The following CACNA1C variants were observed in gnomAD, a reference collection of about 807,000 sequenced individuals.
CACNA1C encodes the protein voltage-dependent L-type calcium channel subunit alpha-1C.
CACNA1C carries 30 observed loss-of-function variants against 229.0 expected under a neutral mutation model. That is an observed-to-expected ratio of 0.13 (90% CI 0.10 to 0.18). CACNA1C has a LOEUF of 0.18. CACNA1C is among the 10% of genes least tolerant of loss of function. CACNA1C has a pLI of 1.00. For missense variants in CACNA1C, 1,658 were observed against 2,845.0 expected (o/e 0.58, Z 9.49); for synonymous variants, 1,114 against 1,132.5 (o/e 0.98, Z 0.33).
At position 2,001,979 on chromosome 12, in the gene CACNA1C, T is replaced by C. The variant is rs550336889; in HGVS notation, c.139+30778T>C. 1.1e-4 allele frequency among the ~76,000 whole-genome samples: 16 copies of C among 152,340 alleles called. 1 individual carries two copies. In the South Asian group the frequency reaches 1.5e-3, roughly 14 times the overall value. On this transcript the variant is annotated intron_variant, in intron 1 of 46. Transcript: ENST00000682462. ...AAAATACCAGGGTTATGGTCTTCAATTGACACATAGGTATTAATATTTTGG... is the reference window on the plus strand; with the variant it reads ...AAAATACCAGGGTTATGGTCTTCAACTGACACATAGGTATTAATATTTTGG...
chr12:2,459,497 G>A (rs780825943), intron 5 of CACNA1C, among the ~76,000 whole-genome samples: 8 of 152,130 alleles, frequency 5.3e-5, no homozygotes, highest in Non-Finnish European at 1.0e-4. Context: ...CAAAGCTTGT[G>A]GCCTGTCTTA....
At chr12:2,643,251 C>G (rs2093942168) in intron 30 of CACNA1C, among the ~76,000 whole-genome samples, 1 of 152,218 alleles carries the variant, frequency 6.6e-6, no homozygotes, top group Admixed American at 6.5e-5. Context: ...GGTTTCCGAC[C>G]TGGGGGTGGT....
At chr12:2,068,760 A>C (rs1421074436) in intron 1 of CACNA1C, among the ~76,000 whole-genome samples, 1 of 152,204 alleles carries the variant, frequency 6.6e-6, no homozygotes, top group Non-Finnish European at 1.5e-5. Context: ...GTCTGGCCTC[A>C]TCTGGAAACC....
chr12:2,425,205 G>A (rs901975540), intron 3 of CACNA1C, among the ~76,000 whole-genome samples: 1 of 152,216 alleles, frequency 6.6e-6, no homozygotes, highest in Non-Finnish European at 1.5e-5. Context: ...ATGCTATAAG[G>A]TTATTGGAAA....
At chr12:2,125,208 G>T (rs1028425776) in intron 3 of CACNA1C, among the ~76,000 whole-genome samples, 5 of 152,178 alleles carry the variant, frequency 3.3e-5, no homozygotes, top group African/African-American at 1.2e-4. Context: ...AGATATTCAA[G>T]AGGGGCTGGT....
chr12:2,268,774 A>G (rs529892007), intron 3 of CACNA1C, among the ~76,000 whole-genome samples: 1 of 152,332 alleles, frequency 6.6e-6, no homozygotes, highest in African/African-American at 2.4e-5. Context: ...TAGAAACACC[A>G]TCTGCCAAAG....
intron 1 of CACNA1C, among the ~76,000 whole-genome samples, chr12:2,097,721 G>C (rs541225431): frequency 6.6e-6 from 1 of 152,338 alleles, no homozygotes; most frequent in East Asian, 1.9e-4. Flanking sequence ...GTAAGCACAG[G>C]TAGATTGGAG....
Position 2,646,220 on chromosome 12 carries a change from C to T in CACNA1C, c.3913-2255C>T, listed in dbSNP as rs1389226946. Among the ~76,000 whole-genome samples the T allele has an allele frequency of 2.6e-5, 4 of 152,136 alleles. No individual in the cohort carries two copies. Among genetic ancestry groups the T allele is most frequent in the African/African-American group, 9.7e-5 (4 of 41,416 alleles). On this transcript the variant is annotated intron_variant, in intron 30 of 46. Transcript: ENST00000399655. The surrounding 1 kb of genome is among the most constrained non-coding windows in gnomAD (Gnocchi z 4.6). The stretch of plus-strand genomic sequence containing the variant: ...ACAGTTAAGACAAATGTTTAAAAAT[C>T]CCAAATGAAGGATTCTGAATGTTTA...
At chr12:2,074,321 T>TA (rs2062401337) in intron 1 of CACNA1C, among the ~76,000 whole-genome samples, 1 of 152,222 alleles carries the variant, frequency 6.6e-6, no homozygotes, top group Non-Finnish European at 1.5e-5. Context: ...TAATACTTTA[T>TA]AGTTTTACTG....
intron 9 of CACNA1C, chr12:2,547,626 G>A: frequency 1.4e-6 from 1 of 721,646 alleles, no homozygotes; most frequent in Admixed American, 2.0e-5. Context: ...GTAGTTCTGT[G>A]TGTGTGCATA....
chr12:1,996,642 AAAAAAAAAAAAAACAAC>A (rs2040920599), intron 1 of CACNA1C, among the ~76,000 whole-genome samples: 3 of 116,804 alleles, frequency 2.6e-5, no homozygotes, highest in African/African-American at 3.6e-5. Flanking sequence ...AAAAAAAAAA[AAAAAAAAAAAAAACAAC>A]AAACTCTTCT....
At position 2,006,930 on chromosome 12, in the gene CACNA1C, G is replaced by A. The variant is rs532558111; in HGVS notation, c.139+35729G>A. 4.6e-5 allele frequency among the ~76,000 whole-genome samples: 7 copies of A among 152,264 alleles called. No homozygotes were observed. In the South Asian group the frequency reaches 1.5e-3, roughly 32 times the overall value. On this transcript the variant is annotated intron_variant, in intron 1 of 46. Transcript: ENST00000682462. ...GTTTCATGACCAACTAATGGATTGT[G>A]ACCTGTAGTTTGAAAAACATAGGGC...
At chr12:2,406,990 G>A (rs1304293232) in intron 3 of CACNA1C, among the ~76,000 whole-genome samples, 7 of 152,214 alleles carry the variant, frequency 4.6e-5, no homozygotes, top group Non-Finnish European at 8.8e-5. Flanking sequence ...GTTCCCACTC[G>A]GCCCCCATCA....
intron 1 of CACNA1C, among the ~76,000 whole-genome samples, chr12:2,056,313 C>T (rs2054849359): frequency 6.6e-6 from 1 of 151,668 alleles, no homozygotes; most frequent in African/African-American, 2.4e-5. Flanking sequence ...AGCTTCTGAC[C>T]CTGGGTTTCA....
rs541716061 is a variant in CACNA1C at position 2,295,529 on chromosome 12, A to G, written c.478-153447A>G. On this transcript the variant is annotated intron_variant, in intron 3 of 46. Transcript: ENST00000399655. The stretch of plus-strand genomic sequence containing the variant: ...TCCTTTAGTCCCAGTACCTAGCAGA[A>G]TTCTAAAAAACAGCCATTCAGTGAA... 4.9e-4 allele frequency among the ~76,000 whole-genome samples: 74 copies of G among 152,324 alleles called. 2 individuals are homozygous for G. In the South Asian group the frequency reaches 0.015, roughly 30 times the overall value.
At chr12:2,320,726 CA>C (rs1425710779) in intron 3 of CACNA1C, among the ~76,000 whole-genome samples, 2 of 152,218 alleles carry the variant, frequency 1.3e-5, no homozygotes, top group African/African-American at 2.4e-5. Flanking sequence ...TGACCCATCC[CA>C]AAACACGGCT....
rs749561588 is a variant in CACNA1C, at chr12:2,567,602, C to T, written c.1703C>T (p.Thr568Met). 5 of 1,601,894 alleles carry T rather than the reference C, an allele frequency of 3.1e-6. No individual in the cohort carries two copies. Among genetic ancestry groups the T allele is most frequent in the Admixed American group, 1.7e-5 (1 of 58,302 alleles). ...AACAAGGCCCTGCTGGCCCTGTTCA[C>T]GGCAGAGATGCTCCTGAAGATGTAC... ...TANKALLALF[T>M]AEMLLKMYSL... The change falls in exon 13 of 47, where the codon ACG (threonine) becomes ATG (methionine). Residue 568 changes from threonine (T) to methionine (M), a missense_variant. Transcript: ENST00000399655.
chr12:2,573,343 C>T (rs1189196388), intron 13 of CACNA1C, among the ~76,000 whole-genome samples: 1 of 152,226 alleles, frequency 6.6e-6, no homozygotes, highest in Non-Finnish European at 1.5e-5. Context: ...CTTACATCTC[C>T]ACTGTCTTCT....
chr12:2,562,029 G>C (rs1395378467), intron 11 of CACNA1C, among the ~76,000 whole-genome samples: 3 of 152,164 alleles, frequency 2.0e-5, no homozygotes, highest in Admixed American at 6.5e-5. Flanking sequence ...AGTGGGAGGT[G>C]CATAATTATC....
Sources: allele counts gnomAD v4.1 joint callset (sites outside exome capture counted in the v4.1 genomes callset), GRCh38; gene constraint gnomAD v4.1.1; non-coding constraint Gnocchi (gnomAD v3.1); transcripts MANE v1.5; gene names NCBI Gene and HGNC (gene_info 2026-07-23, HGNC 2026-07-21).